The following SGCD variants were observed in gnomAD, a reference collection of about 807,000 sequenced individuals.
SGCD encodes sarcoglycan delta, also known as delta-sarcoglycan.
A neutral mutation model predicts 36.6 loss-of-function variants in SGCD; 18 were observed. The observed-to-expected ratio is 0.49, with a 90% CI of 0.34 to 0.73. The LOEUF (loss-of-function observed/expected upper bound fraction) is 0.73, where lower values mean the gene tolerates loss of function less well. Ranked by LOEUF, SGCD falls within the 30% of genes least tolerant of loss-of-function variation. The pLI, the probability that SGCD is intolerant of heterozygous loss-of-function variation, is 0.01. For synonymous variants in SGCD, 133 were observed against 130.6 expected (o/e 1.02, Z -0.12); for missense variants, 387 against 346.7 (o/e 1.12, Z -0.92).
intron 1 of SGCD, among the ~76,000 whole-genome samples, chr5:156,000,044 T>A (rs1758632646): frequency 6.6e-6 from 1 of 152,202 alleles, no homozygotes; most frequent in Non-Finnish European, 1.5e-5. Context: ...TTGCATTGTA[T>A]TTTGGAGCCT....
chr5:156,083,963 C>G (rs551984505), intron 1 of SGCD, among the ~76,000 whole-genome samples: 123 of 152,132 alleles, frequency 8.1e-4, no homozygotes, highest in Non-Finnish European at 1.4e-3. Flanking sequence ...ATCTATGTGC[C>G]TATCTCCCCA....
the SGCD span, among the ~76,000 whole-genome samples, chr5:155,854,711 G>A: frequency 1.3e-5 from 2 of 152,104 alleles, no homozygotes; most frequent in Non-Finnish European, 1.5e-5. Flanking sequence ...CAATATTGAT[G>A]TACCCTTATC....
At chr5:156,547,052 T>G (rs1241105722) in intron 4 of SGCD, among the ~76,000 whole-genome samples, 1 of 152,224 alleles carries the variant, frequency 6.6e-6, no homozygotes, top group Non-Finnish European at 1.5e-5. Flanking sequence ...TTACCTATTT[T>G]GAAGTAGTTG....
intron 3 of SGCD, among the ~76,000 whole-genome samples, chr5:156,424,956 G>A (rs76074594): frequency 0.023 from 3,499 of 152,056 alleles, 194 homozygotes; most frequent in East Asian, 0.17. Flanking sequence ...GCCTGTGCCT[G>A]GGATATACCA....
chr5:155,734,452 T>C, the SGCD span, among the ~76,000 whole-genome samples: 1 of 152,122 alleles, frequency 6.6e-6, no homozygotes, highest in South Asian at 2.1e-4. Context: ...GCTCAAGCAA[T>C]CCTCCATCCT....
chr5:156,251,747 C>T, intron 3 of SGCD, among the ~76,000 whole-genome samples: 1 of 152,074 alleles, frequency 6.6e-6, no homozygotes, highest in Non-Finnish European at 1.5e-5. Flanking sequence ...ATTTCTTGAC[C>T]TCATGATCCT....
At chr5:156,211,198 C>T (rs192275696) in intron 3 of SGCD, among the ~76,000 whole-genome samples, 40 of 152,166 alleles carry the variant, frequency 2.6e-4, no homozygotes, top group Admixed American at 2.6e-3. Flanking sequence ...AATACTTTAC[C>T]TGGCAAAGCT....
intron 3 of SGCD, among the ~76,000 whole-genome samples, chr5:156,434,533 T>C (rs955832732): frequency 6.6e-6 from 1 of 152,150 alleles, no homozygotes; most frequent in African/African-American, 2.4e-5. Flanking sequence ...CAAATAAAGG[T>C]ATTTGCTGCA....
At chr5:156,033,767 T>C (rs374049037) in intron 1 of SGCD, among the ~76,000 whole-genome samples, 56 of 152,314 alleles carry the variant, frequency 3.7e-4, no homozygotes, top group African/African-American at 1.3e-3. Context: ...AATGTCCTTT[T>C]CTGTGTGCAG....
intron 4 of SGCD, among the ~76,000 whole-genome samples, chr5:156,584,415 C>T (rs1028740549): frequency 7.2e-5 from 11 of 152,140 alleles, no homozygotes; most frequent in East Asian, 1.9e-4. Flanking sequence ...TTGTAGACTC[C>T]GGCAGACCAG....
intron 4 of SGCD, among the ~76,000 whole-genome samples, chr5:156,543,229 GCCAGTAGTACCC>G (rs1241786222): frequency 6.6e-6 from 1 of 152,144 alleles, no homozygotes; most frequent in Non-Finnish European, 1.5e-5. Flanking sequence ...CTCAGTATGT[GCCAGTAGTACCC>G]CCCATATACA....
chr5:156,491,356 T>C (rs1755928371), intron 3 of SGCD, among the ~76,000 whole-genome samples: 1 of 152,088 alleles, frequency 6.6e-6, no homozygotes, highest in Non-Finnish European at 1.5e-5. Context: ...AACATTTGTG[T>C]GTAACCACAA....
At chr5:156,219,493 A>C (rs1561570871) in intron 3 of SGCD, among the ~76,000 whole-genome samples, 1 of 151,790 alleles carries the variant, frequency 6.6e-6, no homozygotes, top group Non-Finnish European at 1.5e-5. Flanking sequence ...AAAATAAAGC[A>C]TCTGAATCTG....
At chr5:156,435,495 CTG>C (rs1202799266) in intron 3 of SGCD, among the ~76,000 whole-genome samples, 1 of 133,644 alleles carries the variant, frequency 7.5e-6, no homozygotes, top group East Asian at 1.9e-4. Flanking sequence ...TACAATTTGA[CTG>C]TTTATTTCTT....
chr5:156,431,044 C>T (rs1481367478), intron 3 of SGCD, among the ~76,000 whole-genome samples: 1 of 152,054 alleles, frequency 6.6e-6, no homozygotes, highest in African/African-American at 2.4e-5. Context: ...GGCCAAGATC[C>T]CAGTCTTGAT....
intron 1 of SGCD, among the ~76,000 whole-genome samples, chr5:155,974,983 A>C (rs1330077879): frequency 6.6e-6 from 1 of 152,076 alleles, no homozygotes; most frequent in African/African-American, 2.4e-5. Flanking sequence ...ATTCTCTGGG[A>C]CTGGAAATTG....
At chr5:156,326,212 T>C (rs2127698958), upstream of SGCD, among the ~76,000 whole-genome samples, 1 of 152,304 alleles carries the variant, frequency 6.6e-6, no homozygotes, top group African/African-American at 2.4e-5. Flanking sequence ...AGGTTTCCTC[T>C]TGTTGCATGG....
the SGCD span, among the ~76,000 whole-genome samples, chr5:155,806,710 A>C: frequency 6.6e-6 from 1 of 152,210 alleles, no homozygotes; most frequent in African/African-American, 2.4e-5. Flanking sequence ...ATTCAGGAGT[A>C]ATCATTATAA....
chr5:155,762,436 A>G, the SGCD span, among the ~76,000 whole-genome samples: 1 of 152,250 alleles, frequency 6.6e-6, no homozygotes, highest in African/African-American at 2.4e-5. Context: ...CCTGATAATA[A>G]CTATGACATC....
Sources: gnomAD v4.1 joint callset for allele counts (sites outside exome capture counted in the v4.1 genomes callset) on GRCh38, gnomAD v4.1.1 for gene constraint, MANE v1.5 for transcripts, NCBI Gene and HGNC (gene_info 2026-07-23, HGNC 2026-07-21) for gene names.